The following MYOF variants were observed in gnomAD, a reference collection of about 807,000 sequenced individuals.
The protein encoded by MYOF is fer-1-like 3, myoferlin.
MYOF carries 244 observed loss-of-function variants against 284.2 expected under a neutral mutation model. The observed-to-expected ratio is 0.86, with a 90% confidence interval of 0.77 to 0.95. The LOEUF is 0.95. Among genes scored for constraint, MYOF ranks in the 40% least tolerant of loss-of-function variants. The pLI is 0.00. For missense variants in MYOF, 2,496 were observed against 2,560.6 expected (o/e 0.97, Z 0.54); for synonymous variants, 904 against 919.7 (o/e 0.98, Z 0.31).
At chr10:93,433,244 G>A (rs754583758) in intron 3 of MYOF, among the ~76,000 whole-genome samples, 3 of 152,118 alleles carry the variant, frequency 2.0e-5, no homozygotes, top group African/African-American at 7.2e-5. Flanking sequence ...CACAACCTCC[G>A]CCTCCCGGGT....
At chr10:93,469,406 A>C (rs78208468) in intron 1 of MYOF, among the ~76,000 whole-genome samples, 1 of 18,276 alleles carries the variant, frequency 5.5e-5, no homozygotes, top group Non-Finnish European at 1.4e-4. Context: ...ATCTCTGAAG[A>C]AAAAAAAAAA....
Position 93,353,924 on chromosome 10 carries a change from G to GT in MYOF, c.3404-37dup, listed in dbSNP as rs768595094. 24 of 1,499,702 alleles carry GT rather than the reference G, an allele frequency of 1.6e-5. No individual in the cohort carries two copies. In the South Asian group the frequency reaches 2.4e-4, roughly 15 times the overall value. The allele number at this position is 1,499,702 out of a possible 1,614,324, so 92.9% of individuals were successfully genotyped here. ...AGGATAAAGATTACTTACAAGAAGC[G>GT]TAACACTGTAAACTGCTATTTTACT... is the stretch of plus-strand genomic sequence containing the variant. On this transcript the variant is annotated intron_variant, in intron 31 of 53. Transcript: ENST00000359263.
intron 3 of MYOF, among the ~76,000 whole-genome samples, chr10:93,449,839 A>T (rs914074723): frequency 2.0e-5 from 3 of 152,180 alleles, no homozygotes; most frequent in Admixed American, 6.5e-5. Flanking sequence ...GGCATCGGTC[A>T]GCAACAGAGA....
In MYOF at chr10:93,434,224, A is replaced by G. The variant is rs560627937; in HGVS notation, c.237-2708T>C. On this transcript the variant is annotated intron_variant, in intron 3 of 53. Coordinates refer to ENST00000359263, the MANE Select transcript of MYOF (RefSeq NM_013451.4). The stretch of plus-strand genomic sequence containing the variant: ...GGTGGGTGGATCACTTGAGGCCAGG[A>G]GTTCAAGACCAGCCTGGCCAACATG... 1.1e-4 allele frequency among the ~76,000 whole-genome samples: 16 copies of G among 152,208 alleles called. No individual in the cohort carries two copies. The East Asian group carries it at 2.7e-3, about 26-fold the overall frequency.
chr10:93,328,892 G>A lies in MYOF; in HGVS notation c.5002C>T (p.Arg1668Ter), dbSNP rs770074204. The A allele has an allele frequency of 9.9e-6, 16 of 1,610,970 alleles. No homozygotes were observed. Among genetic ancestry groups the A allele is most frequent in the South Asian group, 4.4e-5 (4 of 90,786 alleles). Residue 1668 changes from arginine to a stop codon, truncating the protein, a stop_gained, in exon 45 of 54, where the codon CGA becomes TGA. Transcript: ENST00000359263. LOFTEE classifies it high-confidence loss of function. ...EYCVSGVNTW[R>*]DQLRPTQLLQ... The stretch of plus-strand genomic sequence containing the variant: ...AGCTGTGTTGGTCTCAGTTGATCTC[G>A]CCAGGTATTGACTCCAGAACTGTGA...
At chr10:93,325,200 T>C (rs540873828) in intron 46 of MYOF, among the ~76,000 whole-genome samples, 27 of 152,344 alleles carry the variant, frequency 1.8e-4, no homozygotes, top group Middle Eastern at 6.8e-3. Context: ...GACATCTTCA[T>C]TATAACAAGC....
chr10:93,337,133 G>GGTT (rs758689987), intron 40 of MYOF, among the ~76,000 whole-genome samples: 44 of 135,264 alleles, frequency 3.3e-4, no homozygotes, highest in African/African-American at 1.1e-3. Context: ...AAAGGTGTGG[G>GGTT]TTTTTTTTTT....
intron 25 of MYOF, among the ~76,000 whole-genome samples, chr10:93,369,280 C>T (rs1479137204): frequency 1.0e-5 from 1 of 95,922 alleles, no homozygotes; most frequent in East Asian, 1.1e-3. Context: ...TGTGTGTATA[C>T]TCTACTTAGT....
At position 93,399,129 on chromosome 10, in the gene MYOF, C is replaced by T. The variant is rs191107454; in HGVS notation, c.1221+263G>A. Among the ~76,000 whole-genome samples, 484 of 152,246 alleles carry T rather than the reference C, an allele frequency of 3.2e-3. 2 individuals are homozygous for T. The highest frequency in any genetic ancestry group is 4.6e-3 in the Non-Finnish European group (311 of 68,010). ...TAACGTTTGGACCTGAAAAGCAATT[C>T]CAGAAATTCAGTGGTAGCCTTCCCT... is the stretch of plus-strand genomic sequence containing the variant. On this transcript the variant is annotated intron_variant, in intron 13 of 53. Coordinates refer to ENST00000359263, the MANE Select transcript of MYOF (RefSeq NM_013451.4).
In MYOF at chr10:93,367,132, C is replaced by A. The variant is rs536413914; in HGVS notation, c.2590-577G>T. Among the ~76,000 whole-genome samples the A allele has an allele frequency of 1.9e-4, 29 of 152,272 alleles. No individual in the cohort carries two copies. In the East Asian group the frequency reaches 2.1e-3, roughly 11 times the overall value. ...CTTATTAGACCTAAAAGTTATGAGC[C>A]TTAATTCCATCTGGAATGTGGCAAG... On this transcript the variant is annotated intron_variant, in intron 25 of 53. Transcript: ENST00000359263.
At chr10:93,414,663 T>C (rs560243894) in intron 5 of MYOF, among the ~76,000 whole-genome samples, 10 of 152,340 alleles carry the variant, frequency 6.6e-5, no homozygotes, top group South Asian at 2.1e-4. Flanking sequence ...CATATAGACA[T>C]GCATTTTAGA....
At chr10:93,404,686 C>CATG (rs1847471970) in intron 7 of MYOF, among the ~76,000 whole-genome samples, 2 of 149,846 alleles carry the variant, frequency 1.3e-5, no homozygotes, top group South Asian at 4.3e-4. Flanking sequence ...AAGGTGACTT[C>CATG]ATGCTGCAAT....
intron 6 of MYOF, among the ~76,000 whole-genome samples, chr10:93,409,196 T>G (rs1227015936): frequency 6.6e-6 from 1 of 152,152 alleles, no homozygotes; most frequent in East Asian, 1.9e-4. Flanking sequence ...CTGCTCAGAC[T>G]CCAGTCATGC....
chr10:93,396,108 T>C (rs1275418112), intron 16 of MYOF, 34 bp downstream of exon 16: 6 of 1,518,756 alleles, frequency 4.0e-6, no homozygotes, highest in Non-Finnish European at 1.8e-6. Flanking sequence ...AAGTTCTGTA[T>C]CCAGTCTTGT....
intron 37 of MYOF, among the ~76,000 whole-genome samples, chr10:93,344,726 T>TAAAAAAAAAAAAA (rs3081452): frequency 2.6e-5 from 2 of 76,230 alleles, no homozygotes; most frequent in African/African-American, 4.6e-5. Flanking sequence ...GAACTTAAAT[T>TAAAAAAAAAAAAA]AAAAAAAAAA....
chr10:93,395,038 A>C (rs1846934311), intron 16 of MYOF, among the ~76,000 whole-genome samples: 1 of 152,062 alleles, frequency 6.6e-6, no homozygotes, highest in Admixed American at 6.6e-5. Flanking sequence ...AGGAACCTTG[A>C]GTTGCCCAAG....
intron 4 of MYOF, among the ~76,000 whole-genome samples, chr10:93,428,270 C>A (rs1188098569): frequency 6.6e-6 from 1 of 150,758 alleles, no homozygotes; most frequent in Non-Finnish European, 1.5e-5. Context: ...AATCTCAGCT[C>A]ACTGCAGCCT....
At chr10:93,470,095 G>T (rs2057105130) in intron 1 of MYOF, among the ~76,000 whole-genome samples, 1 of 151,672 alleles carries the variant, frequency 6.6e-6, no homozygotes, top group Non-Finnish European at 1.5e-5. Flanking sequence ...CAAGCATGAT[G>T]GTGCGCACCT....
In MYOF at chr10:93,369,183, CA is replaced by C. The variant is rs1310470025; in HGVS notation, c.2589+461del. Among the ~76,000 whole-genome samples, 3 of 124,244 alleles carry C rather than the reference CA, an allele frequency of 2.4e-5. No individual in the cohort carries two copies. In the East Asian group the frequency reaches 8.9e-4, roughly 37 times the overall value. 81.5% of individuals were successfully genotyped at this position (124,244 alleles called of 152,430 possible). On this transcript the variant is annotated intron_variant, in intron 25 of 53. Transcript: ENST00000359263. ...TTCCCTTAAGTGTGAAATGGGTCTT[CA>C]GGGGTTTTAAGACACTCTACCCCAA...
Sources: allele counts gnomAD v4.1 joint callset (sites outside exome capture counted in the v4.1 genomes callset), GRCh38; gene constraint gnomAD v4.1.1; transcripts MANE v1.5; gene names NCBI Gene and HGNC (gene_info 2026-07-23, HGNC 2026-07-21).